LRRIQ1: variants seen among roughly 807,000 people sequenced by gnomAD.
LRRIQ1 encodes leucine-rich repeat- and IQ domain-containing protein 1.
LRRIQ1 carries 210 observed loss-of-function variants against 211.9 expected under a neutral mutation model. That is an observed-to-expected ratio of 0.99 (90% CI 0.89 to 1.11). The LOEUF (loss-of-function observed/expected upper bound fraction) is 1.11. Ranked by LOEUF, LRRIQ1 falls within the 50% of genes most tolerant of loss-of-function variation. LRRIQ1 has a pLI of 0.00. For missense variants in LRRIQ1, 2,136 were observed against 1,939.5 expected (o/e 1.10, Z -1.90); for synonymous variants, 699 against 650.1 (o/e 1.08, Z -1.14).
At chr12:85,246,611 T>G (rs1290902662), downstream of LRRIQ1, among the ~76,000 whole-genome samples, 3 of 151,382 alleles carry the variant, frequency 2.0e-5, no homozygotes, top group African/African-American at 7.3e-5. Flanking sequence ...ATTATGGATT[T>G]TAGAGATATA....
chr12:85,170,226 G>C (rs1235844207), intron 24 of LRRIQ1, among the ~76,000 whole-genome samples: 1 of 150,204 alleles, frequency 6.7e-6, no homozygotes, highest in East Asian at 2.0e-4. Context: ...TTGAATATTT[G>C]TGTTCTATTC....
intron 24 of LRRIQ1, among the ~76,000 whole-genome samples, chr12:85,165,429 A>T (rs534914411): frequency 1.1e-4 from 16 of 144,770 alleles, no homozygotes; most frequent in Non-Finnish European, 2.3e-4. Context: ...GCCTTAAGAT[A>T]GTGGCCTCCA....
At chr12:85,174,723 A>AAAAAAAAAAAAAAAAC (rs1891602304) in intron 24 of LRRIQ1, among the ~76,000 whole-genome samples, 2 of 148,374 alleles carry the variant, frequency 1.3e-5, no homozygotes, top group Admixed American at 6.8e-5. Flanking sequence ...AAAAAAAAAA[A>AAAAAAAAAAAAAAAAC]TCTGAGATCC....
chr12:85,049,691 T>C lies in LRRIQ1; in HGVS notation c.678+2221T>C, dbSNP rs1194165112. On this transcript the variant is annotated intron_variant, in intron 6 of 26. Coordinates refer to ENST00000393217, the MANE Select transcript of LRRIQ1 (RefSeq NM_001079910.2). ...AGGCTTCTTAAAGAGTGGTTATTTA[T>C]ACTGTATCAATTTTTTCATTTCTCA... 2.0e-5 allele frequency among the ~76,000 whole-genome samples: 3 copies of C among 152,224 alleles called. No homozygotes were observed. The East Asian group carries it at 5.8e-4, about 29-fold the overall frequency.
intron 19 of LRRIQ1, among the ~76,000 whole-genome samples, chr12:85,150,108 CA>C: frequency 6.6e-6 from 1 of 151,708 alleles, no homozygotes; most frequent in African/African-American, 2.4e-5. Context: ...TTTAAGAAAA[CA>C]AAAATTTTAA....
intron 24 of LRRIQ1, among the ~76,000 whole-genome samples, chr12:85,216,129 G>T (rs924965975): frequency 6.6e-6 from 1 of 152,014 alleles, no homozygotes; most frequent in African/African-American, 2.4e-5. Context: ...CCATCAACTC[G>T]TCATCTACAT....
At position 85,136,475 on chromosome 12, in the gene LRRIQ1, G is replaced by C. The variant is rs148274415; in HGVS notation, c.4210-1375G>C. On this transcript the variant is annotated intron_variant, in intron 18 of 26. Coordinates refer to ENST00000393217, the MANE Select transcript of LRRIQ1 (RefSeq NM_001079910.2). ...TTTGGCTTTCTCTGGTTGTTCCTGA[G>C]TTAGAAGCAGAGTTAAAAACAAGGA... 1.2e-3 allele frequency among the ~76,000 whole-genome samples: 175 copies of C among 151,960 alleles called. 4 individuals carry two copies. The East Asian group carries it at 0.033, about 28-fold the overall frequency.
At chr12:85,108,810 ATGAG>A (rs1298022303) in intron 15 of LRRIQ1, among the ~76,000 whole-genome samples, 1 of 152,182 alleles carries the variant, frequency 6.6e-6, no homozygotes, top group East Asian at 1.9e-4. Context: ...ATTTAGGAAA[ATGAG>A]TTTGCCAATA....
intron 17 of LRRIQ1, 125 bp downstream of exon 17, chr12:85,124,644 C>CCATTATGTTTTCGTGAGGTG: frequency 1.3e-6 from 1 of 747,736 alleles, no homozygotes; most frequent in Admixed American, 2.6e-5. Context: ...CATACCGATT[C>CCATTATGTTTTCGTGAGGTG]CATTATGTTT....
At chr12:85,188,607 TA>T (rs1274238886) in intron 24 of LRRIQ1, among the ~76,000 whole-genome samples, 2 of 152,152 alleles carry the variant, frequency 1.3e-5, no homozygotes, top group Non-Finnish European at 2.9e-5. Context: ...AATATTGAAA[TA>T]CTCTCTTATC....
chr12:85,148,640 T>G (rs963058568), intron 19 of LRRIQ1, among the ~76,000 whole-genome samples: 4 of 152,010 alleles, frequency 2.6e-5, no homozygotes, highest in African/African-American at 9.7e-5. Flanking sequence ...AGTAGAATGA[T>G]TTATATTCCT....
At chr12:85,130,046 TGGAA>T in intron 18 of LRRIQ1, among the ~76,000 whole-genome samples, 1 of 152,240 alleles carries the variant, frequency 6.6e-6, no homozygotes, top group East Asian at 1.9e-4. Context: ...GAAGAGCAAC[TGGAA>T]AAATGGCCTT....
At chr12:85,152,183 T>C (rs968800752) in intron 19 of LRRIQ1, 97 bp from the exon 20 acceptor site, 10 of 930,652 alleles carry the variant, frequency 1.1e-5, no homozygotes, top group Non-Finnish European at 1.5e-5. Context: ...AATTCTGATA[T>C]ACTTTGTCAA....
chr12:85,079,376 A>G (rs1336254529), intron 11 of LRRIQ1, among the ~76,000 whole-genome samples: 1 of 147,096 alleles, frequency 6.8e-6, no homozygotes, highest in African/African-American at 2.5e-5. Context: ...GGCGCTCACC[A>G]CCATGCCCGG....
intron 24 of LRRIQ1, among the ~76,000 whole-genome samples, chr12:85,194,979 TG>T (rs1263526419): frequency 2.0e-5 from 3 of 152,002 alleles, no homozygotes; most frequent in Non-Finnish European, 2.9e-5. Flanking sequence ...CAATAAAAAA[TG>T]ATAAAGGGGA....
At chr12:85,097,895 TA>T (rs2136273936) in intron 11 of LRRIQ1, among the ~76,000 whole-genome samples, 1 of 152,286 alleles carries the variant, frequency 6.6e-6, no homozygotes, top group East Asian at 1.9e-4. Context: ...AATATTGAAA[TA>T]CCTGAAGAAT....
chr12:85,180,410 G>T (rs1891918693), intron 24 of LRRIQ1, among the ~76,000 whole-genome samples: 1 of 151,528 alleles, frequency 6.6e-6, no homozygotes, highest in African/African-American at 2.4e-5. Flanking sequence ...ATAGAACTGG[G>T]GGATCCCACA....
chr12:85,228,153 A>G (rs1330476348), intron 24 of LRRIQ1, among the ~76,000 whole-genome samples: 1 of 152,230 alleles, frequency 6.6e-6, no homozygotes, highest in Non-Finnish European at 1.5e-5. Flanking sequence ...AATGGCAACA[A>G]AAGCCAAAAT....
rs750770453 is a variant in LRRIQ1 at position 85,055,626 on chromosome 12, C to T, written c.833C>T (p.Ser278Phe). The change falls in exon 8 of 27, where the codon TCT becomes TTT. Residue 278 changes from serine (S) to phenylalanine (F), a missense_variant. By Grantham distance (155) the Ser-to-Phe change is radical. Coordinates refer to ENST00000393217, the MANE Select transcript of LRRIQ1 (RefSeq NM_001079910.2). The stretch of plus-strand genomic sequence containing the variant: ...GACCAACAAGAAAAAGAAAAAAATT[C>T]TTTGTTAAAACAGCAGAATAATGCA... ...FKDQQEKEKN[S>F]LLKQQNNAAV... The T allele has an allele frequency of 6.4e-7, 1 of 1,569,166 alleles. No homozygotes were observed. The highest frequency in any genetic ancestry group is 8.6e-7 in the Non-Finnish European group (1 of 1,165,844).
Sources: gnomAD v4.1 joint callset for allele counts (sites outside exome capture counted in the v4.1 genomes callset) on GRCh38, gnomAD v4.1.1 for gene constraint, MANE v1.5 for transcripts, NCBI Gene and HGNC (gene_info 2026-07-23, HGNC 2026-07-21) for gene names.